The following PTPN4 variants were observed in gnomAD, a reference collection of about 807,000 sequenced individuals.
PTPN4 encodes protein tyrosine phosphatase non-receptor type 4.
Under a neutral mutation model 135.5 loss-of-function variants are expected in PTPN4, and 49 were observed. The observed-to-expected ratio is 0.36, with a 90% CI of 0.29 to 0.46. The LOEUF is 0.46. PTPN4 is among the 20% of genes least tolerant of loss of function. PTPN4 has a pLI of 1.00. For synonymous variants in PTPN4, 333 were observed against 369.9 expected, an observed-to-expected ratio of 0.90 and a Z score of 1.14; for missense variants, 860 against 1,101.0, an observed-to-expected ratio of 0.78 and a Z score of 3.10.
At chr2:119,917,838 A>G (rs1451752526) in intron 11 of PTPN4, among the ~76,000 whole-genome samples, 4 of 152,148 alleles carry the variant, frequency 2.6e-5, no homozygotes, top group Middle Eastern at 3.2e-3. Context: ...TAAATACCCA[A>G]ACTTCATACG....
At chr2:119,850,291 G>A (rs1026823460) in intron 2 of PTPN4, among the ~76,000 whole-genome samples, 8 of 152,158 alleles carry the variant, frequency 5.3e-5, no homozygotes, top group African/African-American at 1.9e-4. Flanking sequence ...GCTCTTGTAG[G>A]GGCAGTGTCC....
At chr2:119,959,532 G>T (rs1312028586) in intron 22 of PTPN4, among the ~76,000 whole-genome samples, 1 of 152,226 alleles carries the variant, frequency 6.6e-6, no homozygotes, top group Non-Finnish European at 1.5e-5. Flanking sequence ...CTTCAGCCCA[G>T]GAGTTTGAGA....
intron 16 of PTPN4, among the ~76,000 whole-genome samples, chr2:119,945,808 T>C (rs1415193657): frequency 6.6e-6 from 1 of 152,084 alleles, no homozygotes; most frequent in East Asian, 1.9e-4. Context: ...GGATACAAGA[T>C]TTCTTTTGGA....
intron 1 of PTPN4, among the ~76,000 whole-genome samples, chr2:119,784,065 G>A (rs1426511034): frequency 1.3e-5 from 2 of 152,174 alleles, no homozygotes; most frequent in Non-Finnish European, 2.9e-5. Flanking sequence ...CTTCTTAACA[G>A]CATGTTAGAA....
intron 2 of PTPN4, among the ~76,000 whole-genome samples, chr2:119,810,321 A>G (rs570408552): frequency 4.6e-5 from 7 of 152,334 alleles, no homozygotes; most frequent in African/African-American, 1.7e-4. Context: ...TATTCATGGT[A>G]ATTTTACTTG....
At chr2:119,923,297 C>A (rs894023542) in intron 12 of PTPN4, among the ~76,000 whole-genome samples, 4 of 152,228 alleles carry the variant, frequency 2.6e-5, no homozygotes, top group African/African-American at 9.6e-5. Context: ...TCACTTGAGG[C>A]CAGGAGTTAA....
At chr2:119,823,182 T>G (rs1463195989) in intron 2 of PTPN4, among the ~76,000 whole-genome samples, 2 of 152,124 alleles carry the variant, frequency 1.3e-5, no homozygotes, top group Non-Finnish European at 2.9e-5. Context: ...GCTCCTTATT[T>G]CAAGGAAAGC....
chr2:119,789,561 AT>A (rs1460920295), intron 1 of PTPN4, among the ~76,000 whole-genome samples: 2 of 151,962 alleles, frequency 1.3e-5, no homozygotes, highest in African/African-American at 2.4e-5. Context: ...GCAGGGGTTT[AT>A]TTCTACATCC....
At chr2:119,920,018 T>C (rs1678714218) in intron 11 of PTPN4, 51 bp from the exon 12 acceptor site, 1 of 1,553,846 alleles carries the variant, frequency 6.4e-7, no homozygotes, top group Non-Finnish European at 8.7e-7. Flanking sequence ...AAATGGAGCA[T>C]TAGATCCTGA....
intron 2 of PTPN4, among the ~76,000 whole-genome samples, chr2:119,846,926 T>C (rs992861260): frequency 9.2e-5 from 14 of 151,490 alleles, no homozygotes; most frequent in African/African-American, 2.7e-4. Context: ...TATATACATA[T>C]ATTACAAACC....
intron 1 of PTPN4, among the ~76,000 whole-genome samples, chr2:119,773,901 G>A (rs533243666): frequency 2.6e-5 from 4 of 152,118 alleles, no homozygotes; most frequent in Non-Finnish European, 5.9e-5. Context: ...GGTATCATTT[G>A]CAGTTGAGAG....
chr2:119,834,245 T>A (rs1487604139), intron 2 of PTPN4, among the ~76,000 whole-genome samples: 3 of 152,166 alleles, frequency 2.0e-5, no homozygotes, highest in African/African-American at 7.2e-5. Flanking sequence ...CACCCTACTC[T>A]ACTGAGGAAC....
intron 1 of PTPN4, among the ~76,000 whole-genome samples, chr2:119,795,685 C>T (rs1691243701): frequency 6.6e-6 from 1 of 152,242 alleles, no homozygotes; most frequent in African/African-American, 2.4e-5. Flanking sequence ...GCAGAGATGC[C>T]TGGGTCCACA....
At chr2:119,866,401 C>T (rs888629665) in intron 3 of PTPN4, among the ~76,000 whole-genome samples, 6 of 152,154 alleles carry the variant, frequency 3.9e-5, no homozygotes, top group African/African-American at 1.4e-4. Context: ...CTTTGCATAG[C>T]TCCTAACCCT....
chr2:119,768,976 G>GTACTGCA (rs1426120620), intron 1 of PTPN4, among the ~76,000 whole-genome samples: 2 of 152,220 alleles, frequency 1.3e-5, no homozygotes, highest in Non-Finnish European at 2.9e-5. Context: ...TTTCTCTCCT[G>GTACTGCA]TACTGCATAG....
intron 9 of PTPN4, 40 bp downstream of exon 9, chr2:119,885,922 C>T: frequency 7.5e-7 from 1 of 1,325,592 alleles, no homozygotes; most frequent in Non-Finnish European, 1.0e-6. Context: ...TTGAGTTAGG[C>T]TCCGTTACTC....
At chr2:119,966,898 C>G (rs531993047) in intron 25 of PTPN4, among the ~76,000 whole-genome samples, 8 of 152,322 alleles carry the variant, frequency 5.3e-5, no homozygotes, top group African/African-American at 1.9e-4. Flanking sequence ...GTTGTTCCTC[C>G]CTATTACGGC....
intron 3 of PTPN4, among the ~76,000 whole-genome samples, chr2:119,874,412 A>C (rs1333269014): frequency 6.6e-6 from 1 of 152,214 alleles, no homozygotes; most frequent in African/African-American, 2.4e-5. Context: ...ATAGTCGAAA[A>C]GTAGACACAA....
rs578150277 is a variant in PTPN4 at position 119,981,787 on chromosome 2, A to G, written c.*4717A>G. 2.6e-5 allele frequency: 4 copies of G among 152,172 alleles called. No individual in the cohort carries two copies. The highest frequency in any genetic ancestry group is 4.8e-5 in the African/African-American group (2 of 41,542). The allele number at this position is 152,172 out of a possible 1,614,324, so 9.4% of individuals were successfully genotyped here. A position where few individuals can be genotyped will look rare whatever the true frequency, so the allele number is the denominator to read the frequency against. On this transcript the variant is annotated 3_prime_UTR_variant, in exon 27 of 27. Coordinates refer to ENST00000263708, the MANE Select transcript of PTPN4 (RefSeq NM_002830.4). ...AATCTCTGTTTCTGCCAGAAGTTAG[A>G]TATTTTTTTATAGTCCTGATGAATT... is the stretch of plus-strand genomic sequence containing the variant.
Sources: allele counts gnomAD v4.1 joint callset (sites outside exome capture counted in the v4.1 genomes callset), GRCh38; gene constraint gnomAD v4.1.1; transcripts MANE v1.5; gene names NCBI Gene and HGNC (gene_info 2026-07-23, HGNC 2026-07-21).